INTS3: variants seen among roughly 807,000 people sequenced by gnomAD.
INTS3 encodes SOSS complex subunit A.
In INTS3, 34 loss-of-function variants were observed where a neutral mutation model predicts 146.3. That is an observed-to-expected ratio of 0.23 (90% CI 0.18 to 0.31). The LOEUF (loss-of-function observed/expected upper bound fraction) is 0.31. Ranked by LOEUF, INTS3 falls within the 10% of genes least tolerant of loss-of-function variation. The pLI is 1.00. For missense variants in INTS3, 757 were observed against 1,304.2 expected (o/e 0.58, Z 6.46); for synonymous variants, 475 against 494.9 (o/e 0.96, Z 0.53).
At chr1:153,760,479 G>A (rs553291878) in intron 12 of INTS3, 89 bp downstream of exon 12, 73 of 1,103,264 alleles carry the variant, frequency 6.6e-5, no homozygotes, top group Non-Finnish European at 9.3e-5. Flanking sequence ...GGGTCTTCTC[G>A]GTATGCCTTG....
rs770351647 is a variant in INTS3, at chr1:153,728,630, C to T, written c.-5C>T. 13 of 1,597,766 alleles carry T rather than the reference C, an allele frequency of 8.1e-6. No homozygotes were observed. The South Asian group carries it at 1.1e-4, about 14-fold the overall frequency. ...CTGACCTTTTCCCGGCTCCTGGCTGCAGCCATGGAGTTGCAGAAGGGAAAA... is the reference window on the plus strand; with the variant it reads ...CTGACCTTTTCCCGGCTCCTGGCTGTAGCCATGGAGTTGCAGAAGGGAAAA... On this transcript the variant is annotated 5_prime_UTR_variant, in exon 1 of 30. Coordinates refer to ENST00000318967, the MANE Select transcript of INTS3 (RefSeq NM_023015.5).
At chr1:153,755,086 G>A (rs67849785) in intron 9 of INTS3, among the ~76,000 whole-genome samples, 8,102 of 152,218 alleles carry the variant, frequency 0.053, 303 homozygotes, top group Non-Finnish European at 0.078. Flanking sequence ...AAGTGTTCAC[G>A]CTAAGAAACC....
chr1:153,754,936 G>T (rs573098159), intron 9 of INTS3, among the ~76,000 whole-genome samples, 197 bp downstream of exon 9: 3 of 152,244 alleles, frequency 2.0e-5, no homozygotes, highest in South Asian at 4.1e-4. Flanking sequence ...AAGGATTGGG[G>T]GTACACTGTC....
chr1:153,758,641 CTACAAAAAAA>C (rs1672253317), intron 10 of INTS3, among the ~76,000 whole-genome samples: 1 of 148,440 alleles, frequency 6.7e-6, no homozygotes, highest in Admixed American at 6.7e-5. Context: ...GACCCCATCT[CTACAAAAAAA>C]TACAAAAATT....
chr1:153,743,545 A>G (rs1483199128), intron 3 of INTS3, among the ~76,000 whole-genome samples: 3 of 152,180 alleles, frequency 2.0e-5, no homozygotes, highest in Non-Finnish European at 4.4e-5. Context: ...GTTAAGGAGA[A>G]AGCAGGTCAG....
In INTS3 at chr1:153,767,782, C is replaced by A; in HGVS notation, c.2199C>A (p.Asp733Glu). 1 of 1,613,198 alleles carries A rather than the reference C, an allele frequency of 6.2e-7. No individual in the cohort carries two copies. Among genetic ancestry groups the A allele is most frequent in the Non-Finnish European group, 8.5e-7 (1 of 1,179,642 alleles). The change falls in exon 21 of 30, where the codon GAC becomes GAA. Residue 733 changes from aspartate (D) to glutamate (E), a missense_variant. Coordinates refer to ENST00000318967, the MANE Select transcript of INTS3 (RefSeq NM_023015.5). ...LMMDMKACQEDDVRLLCHLTP... is the reference protein window; with the variant it reads ...LMMDMKACQEEDVRLLCHLTP... Reference sequence around the variant, plus strand: ...TGGACATGAAGGCCTGCCAGGAGGACGATGTGCGGCTCCTGTGCCACCTCA... The same window carrying A: ...TGGACATGAAGGCCTGCCAGGAGGAAGATGTGCGGCTCCTGTGCCACCTCA...
In INTS3 at chr1:153,772,173, C is replaced by A. The variant is rs1672914287; in HGVS notation, c.2721-167C>A. ...TTCCAGTGCCCCTGTGGCCAGGATC[C>A]CCTGTTCTAGGCACACCTTTCTCAC... On this transcript the variant is annotated intron_variant, in intron 26 of 29. Transcript: ENST00000318967. The surrounding 1 kb of genome is among the most constrained non-coding windows in gnomAD (Gnocchi z 4.6). Among the ~76,000 whole-genome samples, 1 of 152,162 alleles carries A rather than the reference C, an allele frequency of 6.6e-6. No individual in the cohort carries two copies. Among genetic ancestry groups the A allele is most frequent in the South Asian group, 2.1e-4 (1 of 4,826 alleles).
At chr1:153,735,211 T>C (rs974341170) in intron 1 of INTS3, among the ~76,000 whole-genome samples, 8 of 152,150 alleles carry the variant, frequency 5.3e-5, no homozygotes, top group African/African-American at 1.9e-4. Flanking sequence ...CTCAAGTGAT[T>C]CCTCCCCACC....
At chr1:153,760,187 G>A (rs1293497531) in intron 11 of INTS3, 124 bp from the exon 12 acceptor site, 26 of 653,914 alleles carry the variant, frequency 4.0e-5, no homozygotes, top group Non-Finnish European at 5.3e-5. Flanking sequence ...AGCTGAGATC[G>A]TACCATTTGC....
At chr1:153,760,598 A>G (rs371893287) in intron 12 of INTS3, 30 of 622,782 alleles carry the variant, frequency 4.8e-5, no homozygotes, top group African/African-American at 2.8e-4. Flanking sequence ...GGGTTTCTCA[A>G]TCACAAGGAT....
intron 7 of INTS3, among the ~76,000 whole-genome samples, chr1:153,751,774 T>G (rs555916385): frequency 1.2e-4 from 19 of 152,338 alleles, no homozygotes; most frequent in African/African-American, 4.6e-4. Flanking sequence ...CTAAAATTAA[T>G]GTTAGATAAA....
intron 3 of INTS3, among the ~76,000 whole-genome samples, chr1:153,743,854 C>T (rs1671628809): frequency 1.3e-5 from 2 of 152,042 alleles, no homozygotes; most frequent in African/African-American, 4.8e-5. Context: ...CAGGCCCAGG[C>T]AGCTCTTGGT....
Position 153,762,668 on chromosome 1 carries a change from A to G in INTS3, c.1517-60A>G, listed in dbSNP as rs1672428162. 24 of 1,596,656 alleles carry G rather than the reference A, an allele frequency of 1.5e-5. No homozygotes were observed. In the South Asian group the frequency reaches 2.7e-4, roughly 18 times the overall value. On this transcript the variant is annotated intron_variant, in intron 14 of 29. Coordinates refer to ENST00000318967, the MANE Select transcript of INTS3 (RefSeq NM_023015.5). ...CCCTCCATTCTCCCTTCCTAGAAGC[A>G]TGGGGCATGTTAGAGGACCCAGGAG...
chr1:153,762,610 A>G, intron 14 of INTS3, 118 bp from the exon 15 acceptor site: 1 of 1,263,336 alleles, frequency 7.9e-7, no homozygotes, highest in Non-Finnish European at 1.1e-6. Flanking sequence ...TCAGTATTCC[A>G]TTTAGATGAT....
At chr1:153,747,130 G>C in intron 4 of INTS3, 60 bp downstream of exon 4, 1 of 1,362,230 alleles carries the variant, frequency 7.3e-7, no homozygotes, top group Non-Finnish European at 1.0e-6. Context: ...TCTTCTCTCT[G>C]TCAGGAACGG....
At chr1:153,768,063 G>A (rs1288977114) in intron 21 of INTS3, among the ~76,000 whole-genome samples, 1 of 152,178 alleles carries the variant, frequency 6.6e-6, no homozygotes, top group Admixed American at 6.5e-5. Context: ...GTTGGGGTCT[G>A]AGCCTATATA....
intron 16 of INTS3, 111 bp from the exon 17 acceptor site, chr1:153,763,721 C>G (rs1433546225): frequency 1.1e-6 from 1 of 951,152 alleles, no homozygotes. Context: ...CACAGAGCTC[C>G]TTTGTTTTGT....
chr1:153,742,475 TCTCTG>T (rs1671570066), intron 3 of INTS3, among the ~76,000 whole-genome samples: 1 of 78,412 alleles, frequency 1.3e-5, no homozygotes, highest in Non-Finnish European at 2.8e-5. Flanking sequence ...GGTTTTTTAA[TCTCTG>T]TGTGTGTGTG....
At chr1:153,759,370 A>G (rs1672290072) in intron 10 of INTS3, among the ~76,000 whole-genome samples, 156 bp from the exon 11 acceptor site, 1 of 151,936 alleles carries the variant, frequency 6.6e-6, no homozygotes, top group East Asian at 1.9e-4. Flanking sequence ...TCACTCATAC[A>G]CAACACAAGG....
Sources: gnomAD v4.1 joint callset for allele counts (sites outside exome capture counted in the v4.1 genomes callset) on GRCh38, gnomAD v4.1.1 for gene constraint, Gnocchi (gnomAD v3.1) non-coding constraint, MANE v1.5 for transcripts, NCBI Gene and HGNC (gene_info 2026-07-23, HGNC 2026-07-21) for gene names.